The following PDLIM5 variants were observed in gnomAD, a reference collection of about 807,000 sequenced individuals.
The protein encoded by PDLIM5 is PDZ and LIM domain protein 5.
Under a neutral mutation model 64.2 loss-of-function variants are expected in PDLIM5, and 34 were observed. That is an observed-to-expected ratio of 0.53 (90% confidence interval 0.40 to 0.71). PDLIM5 has a LOEUF of 0.71. PDLIM5 is among the 30% of genes least tolerant of loss of function. The pLI, the probability that PDLIM5 is intolerant of heterozygous loss-of-function variation, is 0.00. For synonymous variants in PDLIM5, 253 were observed against 269.1 expected (o/e 0.94, Z 0.59); for missense variants, 683 against 733.6 (o/e 0.93, Z 0.80).
chr4:94,560,903 T>G (rs1181258521), intron 3 of PDLIM5, among the ~76,000 whole-genome samples: 3 of 152,110 alleles, frequency 2.0e-5, no homozygotes, highest in Admixed American at 2.0e-4. Flanking sequence ...ATTTTCTGTG[T>G]TTTTAGTAGA....
chr4:94,581,266 A>T (rs1230247870), intron 5 of PDLIM5, among the ~76,000 whole-genome samples: 1 of 152,228 alleles, frequency 6.6e-6, no homozygotes, highest in Non-Finnish European at 1.5e-5. Context: ...TTTATTTGAC[A>T]TACTCAAATT....
rs141255650 is a variant in PDLIM5, at chr4:94,655,402, C to T, written c.1464+762C>T. ...CTTCACACAAAAATTGGACATGGCC[C>T]TGCTGAACTCTAATATACTCTCAAT... On this transcript the variant is annotated intron_variant, in intron 10 of 12. Coordinates refer to ENST00000317968, the MANE Select transcript of PDLIM5 (RefSeq NM_006457.5). Among the ~76,000 whole-genome samples the T allele has an allele frequency of 4.9e-3, 748 of 152,216 alleles. 7 individuals are homozygous for T. The highest frequency in any genetic ancestry group is 0.017 in the African/African-American group (709 of 41,532).
intron 2 of PDLIM5, chr4:94,455,607 A>G: frequency 1.5e-6 from 1 of 650,096 alleles, no homozygotes; most frequent in Non-Finnish European, 2.6e-6. Flanking sequence ...TGTTATCAAT[A>G]ATAAAATGGA....
intron 3 of PDLIM5, among the ~76,000 whole-genome samples, chr4:94,556,066 C>CT: frequency 4.7e-5 from 7 of 150,130 alleles, no homozygotes; most frequent in Non-Finnish European, 1.0e-4. Context: ...TCCCCCCACC[C>CT]CACAACAGGC....
intron 3 of PDLIM5, among the ~76,000 whole-genome samples, chr4:94,541,229 G>GA (rs970701853): frequency 8.6e-5 from 13 of 150,794 alleles, no homozygotes; most frequent in African/African-American, 1.2e-4. Flanking sequence ...TTGGCCTTAG[G>GA]AAAAAAAAAT....
chr4:94,627,340 A>G (rs931543207), intron 8 of PDLIM5, among the ~76,000 whole-genome samples: 2 of 152,106 alleles, frequency 1.3e-5, no homozygotes, highest in African/African-American at 4.8e-5. Flanking sequence ...CCTTCATTGA[A>G]ATTTATTTGC....
At chr4:94,517,350 G>C (rs542242157) in intron 2 of PDLIM5, among the ~76,000 whole-genome samples, 2 of 152,282 alleles carry the variant, frequency 1.3e-5, no homozygotes, top group African/African-American at 4.8e-5. Flanking sequence ...ACTAGAAACT[G>C]TCAACCATAG....
At chr4:94,638,642 A>G (rs1252701110) in intron 8 of PDLIM5, among the ~76,000 whole-genome samples, 2 of 152,202 alleles carry the variant, frequency 1.3e-5, no homozygotes, top group African/African-American at 4.8e-5. Context: ...ATTTATCTGT[A>G]TACACTCTGT....
At chr4:94,572,088 AC>A (rs746591234) in intron 3 of PDLIM5, among the ~76,000 whole-genome samples, 1 of 152,146 alleles carries the variant, frequency 6.6e-6, no homozygotes, top group Non-Finnish European at 1.5e-5. Context: ...ACTCATAGAG[AC>A]CGAATATCCT....
intron 7 of PDLIM5, chr4:94,587,313 AC>A (rs1736312958): frequency 7.8e-7 from 1 of 1,278,322 alleles, no homozygotes; most frequent in Non-Finnish European, 9.9e-7. Context: ...AAATTAAGGG[AC>A]TAGATCTATT....
At chr4:94,557,565 GTCT>G (rs1477936697) in intron 3 of PDLIM5, among the ~76,000 whole-genome samples, 1 of 152,084 alleles carries the variant, frequency 6.6e-6, no homozygotes, top group Non-Finnish European at 1.5e-5. Context: ...ATTTGTTTGT[GTCT>G]TCTTTTATTT....
intron 3 of PDLIM5, among the ~76,000 whole-genome samples, chr4:94,560,112 A>T (rs1489780240): frequency 6.6e-6 from 1 of 152,166 alleles, no homozygotes. Context: ...GGACAAATGC[A>T]TGTAATTCTA....
chr4:94,633,944 C>T (rs957122240), intron 8 of PDLIM5, among the ~76,000 whole-genome samples: 4 of 151,992 alleles, frequency 2.6e-5, no homozygotes, highest in African/African-American at 9.7e-5. Flanking sequence ...GATTTCCAGG[C>T]AGAGGGAACA....
rs1466578994 is a variant in PDLIM5 at position 94,650,189 on chromosome 4, ACT to A, written c.1284-4266_1284-4265del. ...ACGATAGTCACTGTGTTTCTCTTTT[ACT>A]CTCTTCCTGCTTGTGTCTTTGTGTG... On this transcript the variant is annotated intron_variant, in intron 9 of 12. Coordinates refer to ENST00000317968, the MANE Select transcript of PDLIM5 (RefSeq NM_006457.5). 2.6e-5 allele frequency among the ~76,000 whole-genome samples: 4 copies of A among 151,736 alleles called. No individual in the cohort carries two copies. In the East Asian group the frequency reaches 5.9e-4, roughly 22 times the overall value.
At chr4:94,622,696 TC>T (rs952362330) in intron 8 of PDLIM5, among the ~76,000 whole-genome samples, 3 of 142,294 alleles carry the variant, frequency 2.1e-5, no homozygotes, top group Admixed American at 1.4e-4. Flanking sequence ...CTTCCCTTCC[TC>T]CCTCACTCTG....
intron 2 of PDLIM5, among the ~76,000 whole-genome samples, chr4:94,506,763 G>C (rs987797086): frequency 5.9e-5 from 9 of 152,184 alleles, no homozygotes; most frequent in African/African-American, 2.2e-4. Context: ...CATTGTTTCT[G>C]CATATGTTTG....
intron 2 of PDLIM5, among the ~76,000 whole-genome samples, chr4:94,505,554 G>T (rs1172473215): frequency 6.6e-6 from 1 of 152,104 alleles, no homozygotes; most frequent in Non-Finnish European, 1.5e-5. Context: ...GAGCCACCAC[G>T]CATGGCTGGA....
At position 94,665,790 on chromosome 4, in the gene PDLIM5, CA is replaced by C; in HGVS notation, c.*1726del. ...CTCTCAATAATAAGTGAACCAATTT[CA>C]AATGTGATCACAAAGTTTGGAAAGC... On this transcript the variant is annotated 3_prime_UTR_variant, in exon 13 of 13. Transcript: ENST00000317968. 5 of 1,279,674 alleles carry C rather than the reference CA, an allele frequency of 3.9e-6. No homozygotes were observed. The highest frequency in any genetic ancestry group is 4.9e-6 in the Non-Finnish European group (5 of 1,016,120). The allele number at this position is 1,279,674 out of a possible 1,614,324, so 79.3% of individuals were successfully genotyped here.
intron 7 of PDLIM5, among the ~76,000 whole-genome samples, chr4:94,612,899 TTTTTTCCATTAAAATATA>T (rs1209476303): frequency 6.3e-4 from 96 of 151,278 alleles, no homozygotes; most frequent in Non-Finnish European, 1.0e-3. Context: ...TTTTATTTAT[TTTTTTCCATTAAAATATA>T]TTTTTCCATT....
Sources: allele counts gnomAD v4.1 joint callset (sites outside exome capture counted in the v4.1 genomes callset), GRCh38; gene constraint gnomAD v4.1.1; transcripts MANE v1.5; gene names NCBI Gene and HGNC (gene_info 2026-07-23, HGNC 2026-07-21).